The following TMEM181 variants were observed in gnomAD, a reference collection of about 807,000 sequenced individuals.
TMEM181 encodes the protein transmembrane protein 181, also known as G protein-coupled receptor 178.
Under a neutral mutation model 71.9 loss-of-function variants are expected in TMEM181, and 39 were observed. The observed-to-expected ratio is 0.54, with a 90% CI of 0.42 to 0.71. The LOEUF (loss-of-function observed/expected upper bound fraction) is 0.71, where lower values mean the gene tolerates loss of function less well. Ranked by LOEUF, TMEM181 falls within the 30% of genes least tolerant of loss-of-function variation. The pLI is 0.00. For synonymous variants in TMEM181, 245 were observed against 228.8 expected (o/e 1.07, Z -0.64); for missense variants, 595 against 583.0 (o/e 1.02, Z -0.21).
At chr6:158,630,366 T>C (rs548217641) in intron 15 of TMEM181, among the ~76,000 whole-genome samples, 21 of 152,184 alleles carry the variant, frequency 1.4e-4, no homozygotes, top group African/African-American at 4.6e-4. Context: ...TGTGGTGACA[T>C]GTGCCTGTAG....
chr6:158,590,136 G>A (rs1747187940), intron 6 of TMEM181, among the ~76,000 whole-genome samples: 3 of 152,130 alleles, frequency 2.0e-5, no homozygotes, highest in Admixed American at 1.3e-4. Context: ...GGAGGGCACT[G>A]TTCTAATTGT....
intron 5 of TMEM181, among the ~76,000 whole-genome samples, chr6:158,588,506 A>G (rs111551683): frequency 3.3e-5 from 5 of 152,036 alleles, no homozygotes; most frequent in African/African-American, 1.2e-4. Flanking sequence ...CTGGAGTGCA[A>G]TGGCGTGATC....
intron 10 of TMEM181, among the ~76,000 whole-genome samples, chr6:158,611,976 A>C (rs1420714044): frequency 1.8e-4 from 23 of 130,228 alleles, no homozygotes; most frequent in African/African-American, 4.9e-4. Flanking sequence ...CTGCAGGGAT[A>C]CCCCCCCCAC....
chr6:158,595,848 A>G (rs570080320), intron 6 of TMEM181, among the ~76,000 whole-genome samples: 2 of 152,074 alleles, frequency 1.3e-5, no homozygotes, highest in African/African-American at 2.4e-5. Flanking sequence ...TTGGTCAGGT[A>G]CTGTTTATGC....
intron 1 of TMEM181, among the ~76,000 whole-genome samples, chr6:158,565,557 T>C (rs971632639): frequency 6.6e-6 from 1 of 152,174 alleles, no homozygotes; most frequent in African/African-American, 2.4e-5. Context: ...AGTTCAATGT[T>C]GCAATTCAGT....
At chr6:158,573,671 A>C in intron 2 of TMEM181, 148 bp downstream of exon 2, 1 of 679,458 alleles carries the variant, frequency 1.5e-6, no homozygotes, top group Non-Finnish European at 2.5e-6. Context: ...ATGGGGTCCC[A>C]GCCCTGCGCT....
rs1424085550 is a variant in TMEM181 at position 158,631,964 on chromosome 6, A to G, written c.*76A>G. ...GACCGTCTGCTGACCTTCCCCTGTT[A>G]TATTCAGATTTTTCTTACAAGCAGA... On this transcript the variant is annotated 3_prime_UTR_variant, in exon 17 of 17. Transcript: ENST00000684151. The G allele has an allele frequency of 4.5e-6, 6 of 1,328,962 alleles. No individual in the cohort carries two copies. Among genetic ancestry groups the G allele is most frequent in the Admixed American group, 2.2e-5 (1 of 46,032 alleles). 82.3% of individuals were successfully genotyped at this position (1,328,962 alleles called of 1,614,324 possible).
chr6:158,549,803 A>T (rs897546855), intron 1 of TMEM181, among the ~76,000 whole-genome samples: 1 of 152,152 alleles, frequency 6.6e-6, no homozygotes, highest in African/African-American at 2.4e-5. Flanking sequence ...GTGTTGTTGC[A>T]GGAGTATTTT....
chr6:158,571,589 C>T (rs764258186), intron 1 of TMEM181, among the ~76,000 whole-genome samples: 13 of 152,172 alleles, frequency 8.5e-5, no homozygotes, highest in Non-Finnish European at 1.3e-4. Flanking sequence ...TGAGCCACCG[C>T]GCCCGGCCAT....
chr6:158,622,087 A>G (rs965317756), intron 10 of TMEM181, among the ~76,000 whole-genome samples: 2 of 151,868 alleles, frequency 1.3e-5, no homozygotes, highest in African/African-American at 2.4e-5. Flanking sequence ...GGCCGCCCAC[A>G]CTGTTCTGCC....
chr6:158,561,271 TTTCTGAC>T (rs1295830603), intron 1 of TMEM181, among the ~76,000 whole-genome samples: 7 of 152,340 alleles, frequency 4.6e-5, no homozygotes, highest in Non-Finnish European at 8.8e-5. Flanking sequence ...TCCTTAGAAG[TTTCTGAC>T]TTTGGTATGT....
chr6:158,613,348 C>T (rs900377509), intron 10 of TMEM181, among the ~76,000 whole-genome samples: 2 of 152,156 alleles, frequency 1.3e-5, no homozygotes, highest in African/African-American at 4.8e-5. Context: ...GTATACAGTG[C>T]AGCAAGAGTA....
Position 158,618,849 on chromosome 6 carries a change from T to C in TMEM181, c.897-4701T>C, listed in dbSNP as rs1785781561. Among the ~76,000 whole-genome samples the C allele has an allele frequency of 2.6e-5, 4 of 152,254 alleles. No homozygotes were observed. In the South Asian group the frequency reaches 6.2e-4, roughly 24 times the overall value. On this transcript the variant is annotated intron_variant, in intron 10 of 16. Coordinates refer to ENST00000684151, the MANE Select transcript of TMEM181 (RefSeq NM_001376852.1). ...CTCTTCTGGCTTGTAGAGTTTCTGC[T>C]GAGAGATCAGCTATTATTCTGATGG... is the stretch of plus-strand genomic sequence containing the variant.
chr6:158,553,626 C>A (rs188577870), intron 1 of TMEM181, among the ~76,000 whole-genome samples: 5 of 152,202 alleles, frequency 3.3e-5, no homozygotes, highest in Non-Finnish European at 5.9e-5. Context: ...CTTAAAACAT[C>A]TAATGAAGAC....
At chr6:158,629,872 G>A (rs1786564371) in intron 15 of TMEM181, 53 bp downstream of exon 15, 2 of 1,458,870 alleles carry the variant, frequency 1.4e-6, no homozygotes, top group East Asian at 4.5e-5. Context: ...ACAGAGGCCT[G>A]TGTTCATCCA....
intron 13 of TMEM181, among the ~76,000 whole-genome samples, 195 bp downstream of exon 13, chr6:158,625,949 C>T (rs775412293): frequency 6.6e-6 from 1 of 152,170 alleles, no homozygotes; most frequent in African/African-American, 2.4e-5. Flanking sequence ...TTGTTGTAAG[C>T]GGCCGAGGAC....
At chr6:158,626,040 C>G (rs564888692) in intron 13 of TMEM181, among the ~76,000 whole-genome samples, 2 of 152,320 alleles carry the variant, frequency 1.3e-5, no homozygotes, top group African/African-American at 4.8e-5. Flanking sequence ...GTGCAGCGTG[C>G]AGTCACCAGC....
chr6:158,576,993 T>C (rs1582972322), intron 2 of TMEM181, among the ~76,000 whole-genome samples: 2 of 137,828 alleles, frequency 1.5e-5, no homozygotes, highest in Non-Finnish European at 3.0e-5. Context: ...ACCCGGGAGG[T>C]AGAGCTTGCA....
chr6:158,629,734 C>T lies in TMEM181; in HGVS notation c.1197C>T (p.Ala399=), dbSNP rs775997862. The change falls in exon 15 of 17, where the codon GCC becomes GCT. Residue 399 remains alanine (A), a synonymous_variant. Transcript: ENST00000684151. The part of the protein sequence containing the change: ...AELSTHYQNS[A]EFLSFYGLLN... ...TCCTTCCCTTGACAGCACCACCAGC[C>T]GAGTTCTTATCTTTCTATGGCCTGT... The T allele has an allele frequency of 2.3e-5, 37 of 1,607,132 alleles. No individual in the cohort carries two copies. In the Middle Eastern group the frequency reaches 5.0e-4, roughly 22 times the overall value.
Sources: allele counts gnomAD v4.1 joint callset (sites outside exome capture counted in the v4.1 genomes callset), GRCh38; gene constraint gnomAD v4.1.1; transcripts MANE v1.5; gene names NCBI Gene and HGNC (gene_info 2026-07-23, HGNC 2026-07-21).